Variants in GRIPAP1 observed in about 807,000 individuals in gnomAD.
GRIPAP1 encodes GRIP1-associated protein 1.
GRIPAP1 carries 14 observed loss-of-function variants against 84.1 expected under a neutral mutation model. The ratio of observed to expected loss-of-function variants is 0.17; its 90% CI spans 0.11 to 0.26. The LOEUF (loss-of-function observed/expected upper bound fraction) is 0.26, where lower values mean the gene tolerates loss of function less well. Among genes scored for constraint, GRIPAP1 ranks in the 10% least tolerant of loss-of-function variants. GRIPAP1 has a pLI of 1.00. For synonymous variants in GRIPAP1, 261 were observed against 256.8 expected, an observed-to-expected ratio of 1.02 and a Z score of -0.15; for missense variants, 518 against 674.2, an observed-to-expected ratio of 0.77 and a Z score of 2.57.
Position 48,973,965 on chromosome X carries a change from C to T in GRIPAP1, c.*228G>A. The T allele has an allele frequency of 3.2e-6, 1 of 314,013 alleles. No homozygotes were observed. Among genetic ancestry groups the T allele is most frequent in the Non-Finnish European group, 5.6e-6 (1 of 178,081 alleles). 25.9% of individuals were successfully genotyped at this position (314,013 alleles called of 1,213,427 possible). ...AGACAGAAGCCCTTGGGAGCCAGGACCAAGAAGAAGGAGAAATCCCTGCCC... is the reference window on the plus strand; with the variant it reads ...AGACAGAAGCCCTTGGGAGCCAGGATCAAGAAGAAGGAGAAATCCCTGCCC... On this transcript the variant is annotated 3_prime_UTR_variant, in exon 26 of 26. Coordinates refer to ENST00000376423, the MANE Select transcript of GRIPAP1 (RefSeq NM_020137.5).
At chrX:48,974,637 G>C (rs1219922018) in intron 25 of GRIPAP1, among the ~76,000 whole-genome samples, 2 of 111,900 alleles carry the variant, frequency 1.8e-5, no homozygotes, top group African/African-American at 6.5e-5. Flanking sequence ...CTCAGAGATG[G>C]GGAAAGTCCT....
intron 21 of GRIPAP1, among the ~76,000 whole-genome samples, chrX:48,979,455 C>T (rs1370338869): frequency 3.5e-5 from 2 of 57,907 alleles, no homozygotes; most frequent in Non-Finnish European, 5.6e-5. Context: ...CCAGCCTGGG[C>T]GACAGAGCGA....
chrX:48,978,118 G>A (rs1302334126), intron 22 of GRIPAP1, 187 bp downstream of exon 22: 1 of 415,508 alleles, frequency 2.4e-6, no homozygotes, highest in Non-Finnish European at 4.3e-6. Context: ...CAGAGAGAGA[G>A]AATGACTGGC....
chrX:48,991,061 A>G lies in GRIPAP1; in HGVS notation c.507T>C (p.Ser169=). 8.3e-7 allele frequency: 1 copy of G among 1,205,248 alleles called. No individual in the cohort carries two copies. The highest frequency in any genetic ancestry group is 1.1e-6 in the Non-Finnish European group (1 of 889,296). The change falls in exon 7 of 26, where the codon AGT becomes AGC. Residue 169 remains serine (S), a synonymous_variant. Coordinates refer to ENST00000376423, the MANE Select transcript of GRIPAP1 (RefSeq NM_020137.5). ...GKEAGKFSAV[S]EGQGDPPGGL... is the part of the protein sequence containing the mutation. ...CCCCTGGGGGATCCCCCTGGCCCTC[A>G]CTGACAGCTGAGAACTTCCCGGCTT...
Position 48,975,305 on chromosome X carries a change from C to A in GRIPAP1, c.2283G>T (p.Val761=), listed in dbSNP as rs1273536946. The change falls in exon 25 of 26, where the codon GTG becomes GTT. Residue 761 remains valine (V), a synonymous_variant. Coordinates refer to ENST00000376423, the MANE Select transcript of GRIPAP1 (RefSeq NM_020137.5). ...GGTCTGTGTGGCCTGCTGCCACAGA[C>A]ACATCTGCAAGGGCCCAGGCTGAAA... ...ETYVMDSRID[V]SVAAGHTDRS... is the part of the protein sequence containing the mutation. 5 of 1,207,275 alleles carry A rather than the reference C, an allele frequency of 4.1e-6. No homozygotes were observed. In the African/African-American group the frequency reaches 8.8e-5, roughly 21 times the overall value.
Position 48,975,233 on chromosome X carries a change from G to A in GRIPAP1, c.2355C>T (p.Asp785=), listed in dbSNP as rs781802772. 3 of 1,209,978 alleles carry A rather than the reference G, an allele frequency of 2.5e-6. No homozygotes were observed. The highest frequency in any genetic ancestry group is 3.4e-6 in the Non-Finnish European group (3 of 894,222). ...SVLRDLVKPG[D]ENLREMNKKL... ...TCTTGTTCATCTCCCGAAGGTTCTC[G>A]TCACCTGGCTTCACTAGGTCTCTCA... Residue 785 remains aspartate, a synonymous_variant, in exon 25 of 26, where the codon GAC becomes GAT. Coordinates refer to ENST00000376423, the MANE Select transcript of GRIPAP1 (RefSeq NM_020137.5).
Position 48,978,443 on chromosome X carries a change from G to A in GRIPAP1, c.1931-8C>T. 8.4e-7 allele frequency: 1 copy of A among 1,184,441 alleles called. No homozygotes were observed. The highest frequency in any genetic ancestry group is 1.1e-6 in the Non-Finnish European group (1 of 878,910). On this transcript the variant is annotated splice_region_variant and splice_polypyrimidine_tract_variant and intron_variant, in intron 21 of 25. Transcript: ENST00000376423. ...GAACCAGCTCCTCAAGGCCTGGGTGGTGGAGGGAAGAGAAACTTGAGCCCC... is the reference window on the plus strand; with the variant it reads ...GAACCAGCTCCTCAAGGCCTGGGTGATGGAGGGAAGAGAAACTTGAGCCCC...
chrX:48,980,911 G>C, intron 21 of GRIPAP1: 3 of 302,383 alleles, frequency 9.9e-6, no homozygotes, highest in Non-Finnish European at 1.2e-5. Flanking sequence ...GAGAAAAGGA[G>C]AAAACTAGAG....
rs782439156 is a variant in GRIPAP1 at position 48,978,445 on chromosome X, G to A, written c.1931-10C>T. On this transcript the variant is annotated splice_polypyrimidine_tract_variant and intron_variant, in intron 21 of 25. Transcript: ENST00000376423. Reference sequence around the variant, plus strand: ...ACCAGCTCCTCAAGGCCTGGGTGGTGGAGGGAAGAGAAACTTGAGCCCCAA... The same window carrying A: ...ACCAGCTCCTCAAGGCCTGGGTGGTAGAGGGAAGAGAAACTTGAGCCCCAA... 12 of 1,181,135 alleles carry A rather than the reference G, an allele frequency of 1.0e-5. No homozygotes were observed. Among genetic ancestry groups the A allele is most frequent in the Middle Eastern group, 2.6e-4 (1 of 3,907 alleles).
intron 22 of GRIPAP1, 72 bp downstream of exon 22, chrX:48,978,233 A>G: frequency 9.0e-7 from 1 of 1,107,633 alleles, no homozygotes. Flanking sequence ...TTAGGTGAGG[A>G]GAAAAGGGGA....
rs1557060483 is a variant in GRIPAP1 at position 48,976,292 on chromosome X, G to T, written c.2133C>A (p.Leu711=). The T allele has an allele frequency of 8.4e-7, 1 of 1,184,401 alleles. No homozygotes were observed. ...GCTGTGTCTCTGCCAGCCGCTGAAA[G>T]AGCTCAGCCACTTCCTCATCTGACA... is the stretch of plus-strand genomic sequence containing the variant. ...AELSDEEVAE[L]FQRLAETQQE... Residue 711 remains leucine (L), a synonymous_variant, in exon 23 of 26, where the codon CTC becomes CTA. Coordinates refer to ENST00000376423, the MANE Select transcript of GRIPAP1 (RefSeq NM_020137.5).
chrX:48,991,306 G>A (rs782361874), intron 6 of GRIPAP1, 196 bp from the exon 7 acceptor site: 1 of 420,099 alleles, frequency 2.4e-6, no homozygotes, highest in Non-Finnish European at 4.2e-6. Flanking sequence ...TTGAGACAGG[G>A]ACTTGCTCTG....
intron 3 of GRIPAP1, chrX:48,999,002 G>C: frequency 1.3e-5 from 5 of 374,165 alleles, no homozygotes; most frequent in Admixed American, 1.0e-4. Context: ...ATGAGAATGA[G>C]TAACTGAAAT....
Position 48,975,160 on chromosome X carries a change from G to A in GRIPAP1, c.2428C>T (p.His810Tyr), listed in dbSNP as rs2064415742. The A allele has an allele frequency of 8.3e-7, 1 of 1,206,406 alleles. No homozygotes were observed. Among genetic ancestry groups the A allele is most frequent in the Non-Finnish European group, 1.1e-6 (1 of 893,219 alleles). Residue 810 changes from histidine to tyrosine, a missense_variant, in exon 25 of 26, where the codon CAC becomes TAC. His to Tyr is a moderately conservative substitution (Grantham distance 83). Around this residue, in one of 5 missense-constraint regions of GRIPAP1, gnomAD observed 32 missense variants for 82.4 expected, o/e 0.39. Transcript: ENST00000376423. ...GGCTGGCAGGCCACACTTGCCTTGT[G>A]CAAGTGCATATTCTTGGTGAGCTGC... ...EEQLTKNMHL[H>Y]KDMEVLSQEI...
chrX:48,978,710 A>G (rs1281006397), intron 21 of GRIPAP1, among the ~76,000 whole-genome samples: 2 of 109,894 alleles, frequency 1.8e-5, no homozygotes, highest in Non-Finnish European at 3.8e-5. Flanking sequence ...CCTGGCCAAC[A>G]TGAAGAAACC....
chrX:48,976,330 G>A lies in GRIPAP1; in HGVS notation c.2095C>T (p.Arg699Trp), dbSNP rs1394598430. Residue 699 changes from arginine to tryptophan, a missense_variant, in exon 23 of 26, where the codon CGG becomes TGG. Physicochemically the swap from Arg to Trp is moderately radical, Grantham distance 101. Around this residue, in one of 5 missense-constraint regions of GRIPAP1, gnomAD observed 66 missense variants for 65.2 expected, o/e 1.01. Transcript: ENST00000376423. ...TCCTCATCTGACAGCTCTGCTGGCC[G>A]AGGGGGCTGGGCTTGAGGGCTGCTG... ...LSSSPQAQPP[R>W]PAELSDEEVA... The A allele has an allele frequency of 4.2e-6, 5 of 1,199,107 alleles. No homozygotes were observed. The highest frequency in any genetic ancestry group is 1.8e-5 in the South Asian group (1 of 54,850).
rs782185356 is a variant in GRIPAP1 at position 48,982,973 on chromosome X, A to G, written c.1599+6T>C. The G allele has an allele frequency of 3.5e-6, 4 of 1,151,172 alleles. No homozygotes were observed. The highest frequency in any genetic ancestry group is 4.8e-6 in the Non-Finnish European group (4 of 841,612). 94.9% of individuals were successfully genotyped at this position (1,151,172 alleles called of 1,213,427 possible). ...CTCTGTTCCTCACCAGGCATCACCAACTCACCTCGGCTTCCTTCAAGCGCC... is the reference window on the plus strand; with the variant it reads ...CTCTGTTCCTCACCAGGCATCACCAGCTCACCTCGGCTTCCTTCAAGCGCC... On this transcript the variant is annotated splice_donor_region_variant and intron_variant, in intron 17 of 25. Transcript: ENST00000376423.
At chrX:48,976,859 G>A (rs1377202470) in intron 22 of GRIPAP1, 1 of 112,717 alleles carries the variant, frequency 8.9e-6, no homozygotes, top group Non-Finnish European at 1.8e-5. Flanking sequence ...GACATTCTGG[G>A]GCCAACTAGA....
intron 11 of GRIPAP1, 46 bp from the exon 12 acceptor site, chrX:48,988,244 G>A (rs1404622899): frequency 1.1e-6 from 1 of 937,786 alleles, no homozygotes; most frequent in South Asian, 2.1e-5. Flanking sequence ...CCTCTCCTGG[G>A]GTGCATATAA....
Sources: gnomAD v4.1 joint callset for allele counts (sites outside exome capture counted in the v4.1 genomes callset) on GRCh38, gnomAD v4.1.1 for gene constraint, gnomAD v4.1.1 regional missense constraint, MANE v1.5 for transcripts, NCBI Gene and HGNC (gene_info 2026-07-23, HGNC 2026-07-21) for gene names.